WDFY4: variants seen among roughly 807,000 people sequenced by gnomAD.
WDFY4 encodes the protein WD repeat- and FYVE domain-containing protein 4.
In WDFY4, 169 loss-of-function variants were observed where a neutral mutation model predicts 351.9. The ratio of observed to expected loss-of-function variants is 0.48; its 90% CI spans 0.42 to 0.55. The LOEUF is 0.55. Ranked by LOEUF, WDFY4 falls within the 20% of genes least tolerant of loss-of-function variation. WDFY4 has a pLI of 0.00. For synonymous variants in WDFY4, 1,622 were observed against 1,574.6 expected (o/e 1.03, Z -0.71); for missense variants, 3,803 against 3,935.6 (o/e 0.97, Z 0.90).
chr10:48,714,111 G>A (rs1386602508), intron 2 of WDFY4, among the ~76,000 whole-genome samples: 1 of 152,234 alleles, frequency 6.6e-6, no homozygotes, highest in Admixed American at 6.5e-5. Context: ...AGGAAAGAGA[G>A]GCTTAGGGAT....
chr10:48,809,301 T>TCATCAC (rs1422775492), intron 28 of WDFY4, among the ~76,000 whole-genome samples: 3 of 141,556 alleles, frequency 2.1e-5, no homozygotes, highest in Non-Finnish European at 4.6e-5. Context: ...ATCACCACCA[T>TCATCAC]CATCACCATC....
chr10:48,877,305 C>G (rs1374567551), intron 43 of WDFY4, 106 bp downstream of exon 43: 3 of 1,037,296 alleles, frequency 2.9e-6, no homozygotes, highest in Non-Finnish European at 4.1e-6. Context: ...AATGAGATCT[C>G]CATTTGCTAT....
At chr10:48,750,628 G>A (rs951348935) in intron 12 of WDFY4, among the ~76,000 whole-genome samples, 1 of 152,216 alleles carries the variant, frequency 6.6e-6, no homozygotes, top group Non-Finnish European at 1.5e-5. Flanking sequence ...GCAAATCAAT[G>A]ATTAATTGTG....
chr10:48,838,292 G>A (rs1449765352), intron 39 of WDFY4, among the ~76,000 whole-genome samples: 1 of 152,232 alleles, frequency 6.6e-6, no homozygotes, highest in African/African-American at 2.4e-5. Context: ...GAAACCAGCA[G>A]TGCCCACCAT....
intron 51 of WDFY4, among the ~76,000 whole-genome samples, chr10:48,953,329 TCTCTCA>T (rs1490743901): frequency 3.0e-3 from 261 of 87,588 alleles, no homozygotes; most frequent in Non-Finnish European, 4.1e-3. Flanking sequence ...TCTCTCTCTC[TCTCTCA>T]CACACACACA....
chr10:48,851,072 A>G (rs577030405), intron 39 of WDFY4, among the ~76,000 whole-genome samples: 59 of 152,338 alleles, frequency 3.9e-4, no homozygotes, highest in South Asian at 8.3e-4. Flanking sequence ...CCTTTTTGAT[A>G]CCAGGGCTGC....
In WDFY4 at chr10:48,777,002, A is replaced by G; in HGVS notation, c.3098+18A>G. 1 of 1,539,170 alleles carries G rather than the reference A, an allele frequency of 6.5e-7. No homozygotes were observed. The highest frequency in any genetic ancestry group is 8.8e-7 in the Non-Finnish European group (1 of 1,141,184). On this transcript the variant is annotated intron_variant, in intron 16 of 61. Transcript: ENST00000325239. ...GGTTATGGGTATGACAGGCTTTCAC[A>G]TATTTAAAATGCACTTTATTAATTT...
chr10:48,830,935 G>A (rs1302178742), intron 38 of WDFY4, 50 bp downstream of exon 38: 1 of 1,520,608 alleles, frequency 6.6e-7, no homozygotes, highest in Non-Finnish European at 8.9e-7. Flanking sequence ...GTCTCACAGA[G>A]CCAGACTCCC....
chr10:48,784,174 A>T (rs1040738406), intron 19 of WDFY4, among the ~76,000 whole-genome samples: 19 of 152,336 alleles, frequency 1.2e-4, no homozygotes, highest in African/African-American at 4.6e-4. Flanking sequence ...TTTTGTGTGA[A>T]TTTAAGTCTT....
chr10:48,798,009 T>C (rs886074433), intron 24 of WDFY4, among the ~76,000 whole-genome samples: 1 of 151,854 alleles, frequency 6.6e-6, no homozygotes, highest in African/African-American at 2.4e-5. Flanking sequence ...GAGGCAAGGG[T>C]AGTGGGATAA....
rs1589590668 is a variant in WDFY4 at position 48,780,250 on chromosome 10, C to G, written c.3576+131C>G. 2.6e-6 allele frequency: 3 copies of G among 1,174,644 alleles called. No homozygotes were observed. The East Asian group carries it at 7.7e-5, about 30-fold the overall frequency. The allele number at this position is 1,174,644 out of a possible 1,614,324, so 72.8% of individuals were successfully genotyped here. ...TGTTTATTACTGGTAGGGTTGGCAT[C>G]TAATGAAATCTGCCTTACTGTTCAG... On this transcript the variant is annotated intron_variant, in intron 19 of 61. Coordinates refer to ENST00000325239, the MANE Select transcript of WDFY4 (RefSeq NM_001394531.1).
intron 56 of WDFY4, 113 bp from the exon 57 acceptor site, chr10:48,970,018 C>A: frequency 7.8e-7 from 1 of 1,288,974 alleles, no homozygotes; most frequent in Non-Finnish European, 1.1e-6. Context: ...GAACACATGG[C>A]ATGTCCCCAG....
At chr10:48,840,150 T>C (rs1292365075) in intron 39 of WDFY4, among the ~76,000 whole-genome samples, 1 of 152,222 alleles carries the variant, frequency 6.6e-6, no homozygotes, top group Non-Finnish European at 1.5e-5. Flanking sequence ...CAAAAGTTTC[T>C]GTTTTCACTT....
intron 51 of WDFY4, among the ~76,000 whole-genome samples, chr10:48,948,381 AATG>A (rs1228387190): frequency 1.5e-4 from 23 of 152,302 alleles, no homozygotes; most frequent in African/African-American, 5.3e-4. Context: ...ATCCACAAGA[AATG>A]ATGATCACCG....
rs11101514 is a variant in WDFY4 at position 48,818,644 on chromosome 10, C to G, written c.5505+1235C>G. Reference sequence around the variant, plus strand: ...TCTCACTCTTACCCCAAAGCCTTGTCCTTTTCATTACAGTCAGTTTAAAAT... The same window carrying G: ...TCTCACTCTTACCCCAAAGCCTTGTGCTTTTCATTACAGTCAGTTTAAAAT... On this transcript the variant is annotated intron_variant, in intron 32 of 61. Transcript: ENST00000325239. Among the ~76,000 whole-genome samples the G allele has an allele frequency of 2.0e-4, 30 of 152,290 alleles. No individual in the cohort carries two copies. In the East Asian group the frequency reaches 5.2e-3, roughly 26 times the overall value.
At chr10:48,911,933 G>A (rs772160689) in intron 47 of WDFY4, among the ~76,000 whole-genome samples, 106 of 152,324 alleles carry the variant, frequency 7.0e-4, no homozygotes, top group Non-Finnish European at 1.2e-3. Context: ...AATGAAATGT[G>A]CTGTGTGCTG....
chr10:48,779,145 T>C (rs1236239965), intron 18 of WDFY4, among the ~76,000 whole-genome samples: 1 of 152,242 alleles, frequency 6.6e-6, no homozygotes, highest in Non-Finnish European at 1.5e-5. Flanking sequence ...ACCCAGGGCT[T>C]TGCCTTGCTG....
Position 48,743,374 on chromosome 10 carries a change from G to A in WDFY4, c.2285G>A (p.Ser762Asn). Residue 762 changes from serine (S) to asparagine (N), a missense_variant, in exon 12 of 62, where the codon AGC becomes AAC. By Grantham distance (46) the Ser-to-Asn change is conservative. Transcript: ENST00000325239. ...GGCTCACTCCCACCCCGGATACAGA[G>A]CTGCCTCCAGATCCTTGGCTTTCTG... is the stretch of plus-strand genomic sequence containing the variant. ...SSGSLPPRIQ[S>N]CLQILGFLDS... The A allele has an allele frequency of 6.4e-7, 1 of 1,551,664 alleles. No homozygotes were observed. The highest frequency in any genetic ancestry group is 8.7e-7 in the Non-Finnish European group (1 of 1,147,002).
chr10:48,840,121 A>T (rs1443038472), intron 39 of WDFY4, among the ~76,000 whole-genome samples: 1 of 152,208 alleles, frequency 6.6e-6, no homozygotes, highest in East Asian at 1.9e-4. Flanking sequence ...AATGAAGTCT[A>T]GTGTTATTTT....
Sources: gnomAD v4.1 joint callset for allele counts (sites outside exome capture counted in the v4.1 genomes callset) on GRCh38, gnomAD v4.1.1 for gene constraint, MANE v1.5 for transcripts, NCBI Gene and HGNC (gene_info 2026-07-23, HGNC 2026-07-21) for gene names.